PLXNB1: variants seen among roughly 807,000 people sequenced by gnomAD.
PLXNB1 encodes the protein plexin-B1.
A neutral mutation model predicts 209.4 loss-of-function variants in PLXNB1; 106 were observed. The observed-to-expected ratio is 0.51, with a 90% CI of 0.43 to 0.59. The LOEUF (loss-of-function observed/expected upper bound fraction) is 0.59. Ranked by LOEUF, PLXNB1 falls within the 20% of genes least tolerant of loss-of-function variation. The pLI, the probability that PLXNB1 is intolerant of heterozygous loss-of-function variation, is 0.00. For missense variants in PLXNB1, 2,357 were observed against 2,853.2 expected, an observed-to-expected ratio of 0.83 and a Z score of 3.96; for synonymous variants, 1,167 against 1,183.2, an observed-to-expected ratio of 0.99 and a Z score of 0.28.
Position 48,419,355 on chromosome 3 carries a change from G to C in PLXNB1, c.2721C>G (p.Thr907=). The part of the protein sequence containing the change: ...TPGLWELEEA[T]LGASSCPCVE... ...CACAGGGGCAGGAGCTTGCCCCCAA[G>C]GTCGCCTCTTCCTGCAGGCACCAAG... The change falls in exon 12 of 38, where the codon ACC becomes ACG. Residue 907 remains threonine, a synonymous_variant. Coordinates refer to ENST00000296440, the MANE Select transcript of PLXNB1 (RefSeq NM_001130082.3). This position sits in a 1 kb window ranked among gnomAD's most constrained non-coding sequence, Gnocchi z 5.7. 5 of 1,565,996 alleles carry C rather than the reference G, an allele frequency of 3.2e-6. No homozygotes were observed. The highest frequency in any genetic ancestry group is 4.3e-6 in the Non-Finnish European group (5 of 1,152,484).
At position 48,417,153 on chromosome 3, in the gene PLXNB1, C is replaced by T. The variant is rs1439451493; in HGVS notation, c.3375-702G>A. 6.6e-6 allele frequency among the ~76,000 whole-genome samples: 1 copy of T among 151,914 alleles called. No individual in the cohort carries two copies. Among genetic ancestry groups the T allele is most frequent in the Non-Finnish European group, 1.5e-5 (1 of 68,032 alleles). On this transcript the variant is annotated intron_variant, in intron 16 of 37. Transcript: ENST00000296440. The surrounding 1 kb of genome is among the most constrained non-coding windows in gnomAD (Gnocchi z 4.4). ...GAACACTAACAGTCTAGATAGTCAC[C>T]GTAAGTTCTCGGTCATAACACATTC...
chr3:48,410,705 C>T lies in PLXNB1; in HGVS notation c.5417-147G>A. ...CAAAGACCAAGAGCAGGGACCCCCT[C>T]CCCAGATGAGAGGCTGTCCAAGAAA... On this transcript the variant is annotated intron_variant, in intron 29 of 37. Coordinates refer to ENST00000296440, the MANE Select transcript of PLXNB1 (RefSeq NM_001130082.3). This position sits in a 1 kb window ranked among gnomAD's most constrained non-coding sequence, Gnocchi z 6.4. 1 of 939,922 alleles carries T rather than the reference C, an allele frequency of 1.1e-6. No homozygotes were observed. The highest frequency in any genetic ancestry group is 2.3e-5 in the Admixed American group (1 of 43,048). The allele number at this position is 939,922 out of a possible 1,614,324, so 58.2% of individuals were successfully genotyped here.
chr3:48,422,116 C>T lies in PLXNB1; in HGVS notation c.1509G>A (p.Val503=). Residue 503 remains valine, a synonymous_variant, in exon 6 of 38, where the codon GTG becomes GTA. Coordinates refer to ENST00000296440, the MANE Select transcript of PLXNB1 (RefSeq NM_001130082.3). ...AHRDPYCGWC[V]LLGRCSRRSE... Reference sequence around the variant, plus strand: ...GTCAGAAATCTGACCTGCCAAGGAGCACGCACCACCCACAGTATGGGTCCC... The same window carrying T: ...GTCAGAAATCTGACCTGCCAAGGAGTACGCACCACCCACAGTATGGGTCCC... The T allele has an allele frequency of 6.2e-7, 1 of 1,613,774 alleles. No individual in the cohort carries two copies. The highest frequency in any genetic ancestry group is 8.5e-7 in the Non-Finnish European group (1 of 1,179,678).
At position 48,410,578 on chromosome 3, in the gene PLXNB1, C is replaced by T. The variant is rs1402822192; in HGVS notation, c.5417-20G>A. On this transcript the variant is annotated intron_variant, in intron 29 of 37. Transcript: ENST00000296440. The surrounding 1 kb of genome is among the most constrained non-coding windows in gnomAD (Gnocchi z 6.4). ...GCCACTCTGCAAGGGCAAGGCAGAA[C>T]TGGGTGCAGGGCTGGAAGATACCCT... 6.3e-7 allele frequency: 1 copy of T among 1,596,498 alleles called. No homozygotes were observed. Among genetic ancestry groups the T allele is most frequent in the East Asian group, 2.2e-5 (1 of 44,810 alleles).
chr3:48,409,292 TCAC>T lies in PLXNB1; in HGVS notation c.6087+34_6087+36del, dbSNP rs769892320. On this transcript the variant is annotated intron_variant, in intron 34 of 37. Coordinates refer to ENST00000296440, the MANE Select transcript of PLXNB1 (RefSeq NM_001130082.3). The surrounding 1 kb of genome is among the most constrained non-coding windows in gnomAD (Gnocchi z 5.8). ...AGTGCACACACAGCACTGTCCACCC[TCAC>T]CCATCCCCCCGTGTCCATCCCAGAC... 1 of 1,556,018 alleles carries T rather than the reference TCAC, an allele frequency of 6.4e-7. No individual in the cohort carries two copies. The highest frequency in any genetic ancestry group is 8.6e-7 in the Non-Finnish European group (1 of 1,158,980).
intron 6 of PLXNB1, 65 bp downstream of exon 6, chr3:48,422,040 C>T (rs1354303670): frequency 1.1e-5 from 16 of 1,456,550 alleles, no homozygotes; most frequent in Non-Finnish European, 1.5e-5. Flanking sequence ...GAATTCTGGA[C>T]AGGACAATTA....
chr3:48,414,157 A>G lies in PLXNB1; in HGVS notation c.4210-86T>C, dbSNP rs546909174. 4.5e-6 allele frequency: 6 copies of G among 1,319,862 alleles called. No individual in the cohort carries two copies. In the East Asian group the frequency reaches 1.4e-4, roughly 31 times the overall value. The allele number at this position is 1,319,862 out of a possible 1,614,324, so 81.8% of individuals were successfully genotyped here. On this transcript the variant is annotated intron_variant, in intron 21 of 37. Coordinates refer to ENST00000296440, the MANE Select transcript of PLXNB1 (RefSeq NM_001130082.3). ...AAATGTGGGAAGGACCCTGAGACCC[A>G]GCCGCAGCAGCAAAGCTGACAGCCT...
intron 2 of PLXNB1, among the ~76,000 whole-genome samples, chr3:48,424,897 C>T (rs2038802224): frequency 6.6e-6 from 1 of 152,142 alleles, no homozygotes; most frequent in South Asian, 2.1e-4. Flanking sequence ...CACCATCCCC[C>T]CAGATCAGAG....
rs751188591 is a variant in PLXNB1, at chr3:48,419,400, C to T, written c.2710-34G>A. 1 of 1,528,796 alleles carries T rather than the reference C, an allele frequency of 6.5e-7. No individual in the cohort carries two copies. The highest frequency in any genetic ancestry group is 2.3e-5 in the East Asian group (1 of 43,846). 94.7% of individuals were successfully genotyped at this position (1,528,796 alleles called of 1,614,324 possible). Reference sequence around the variant, plus strand: ...ACCAAGGGCAAGGCAGTCTATGGAGCCCACCCTGCCCAGCTCAGCCCTCTG... The same window carrying T: ...ACCAAGGGCAAGGCAGTCTATGGAGTCCACCCTGCCCAGCTCAGCCCTCTG... On this transcript the variant is annotated intron_variant, in intron 11 of 37. Transcript: ENST00000296440. This position sits in a 1 kb window ranked among gnomAD's most constrained non-coding sequence, Gnocchi z 5.7.
chr3:48,421,765 T>A lies in PLXNB1; in HGVS notation c.1562A>T (p.Glu521Val). 6.2e-7 allele frequency: 1 copy of A among 1,608,582 alleles called. No homozygotes were observed. The highest frequency in any genetic ancestry group is 8.5e-7 in the Non-Finnish European group (1 of 1,175,602). The change falls in exon 7 of 38, where the codon GAG becomes GTG. Residue 521 changes from glutamate (E) to valine (V), a missense_variant. Glu to Val is a moderately radical substitution (Grantham distance 121, BLOSUM62 -2). This residue lies in a region of PLXNB1 where 214 missense variants were observed against 297.1 expected (regional missense o/e 0.72). Transcript: ENST00000296440. ...AGGCTGGAAGCTCCATAGCCACTGC[T>A]CTGGGCCCTGGCCCCTCGAGCACTC... ...RSECSRGQGPEQWLWSFQPEL... is the reference protein window; with the variant it reads ...RSECSRGQGPVQWLWSFQPEL...
In PLXNB1 at chr3:48,417,004, C is replaced by T. The variant is rs1339085164; in HGVS notation, c.3375-553G>A. The stretch of plus-strand genomic sequence containing the variant: ...GTGTTAAGCCTGCAGTGGCTCAACT[C>T]AGTGACATTGTCACAGTTGTTGCAA... On this transcript the variant is annotated intron_variant, in intron 16 of 37. Coordinates refer to ENST00000296440, the MANE Select transcript of PLXNB1 (RefSeq NM_001130082.3). The surrounding 1 kb of genome is among the most constrained non-coding windows in gnomAD (Gnocchi z 4.4). Among the ~76,000 whole-genome samples the T allele has an allele frequency of 6.6e-6, 1 of 152,216 alleles. No homozygotes were observed. The highest frequency in any genetic ancestry group is 2.4e-5 in the African/African-American group (1 of 41,444).
At position 48,404,426 on chromosome 3, in the gene PLXNB1, C is replaced by T. The variant is rs953456087; in HGVS notation, c.*60G>A. On this transcript the variant is annotated 3_prime_UTR_variant, in exon 38 of 38. Transcript: ENST00000296440. ...GCACCTAAGAAGGTGGCCTCTCCTCCGAGCTTCCAGGGCTGCCCAGGCCAG... is the reference window on the plus strand; with the variant it reads ...GCACCTAAGAAGGTGGCCTCTCCTCTGAGCTTCCAGGGCTGCCCAGGCCAG... 5.2e-6 allele frequency: 6 copies of T among 1,162,108 alleles called. No homozygotes were observed. The highest frequency in any genetic ancestry group is 1.5e-5 in the African/African-American group (1 of 65,328). The allele number at this position is 1,162,108 out of a possible 1,614,324, so 72.0% of individuals were successfully genotyped here. A position where few individuals can be genotyped will look rare whatever the true frequency, so the allele number is the denominator to read the frequency against.
In PLXNB1 at chr3:48,413,800, G is replaced by A. The variant is rs1488196502; in HGVS notation, c.4405C>T (p.Arg1469Cys). The stretch of plus-strand genomic sequence containing the variant: ...TACTGCACGTGACCCAGGGAGAAGC[G>A]CAAGTTCCCCATCTGCACCTGTGTC... ...PEFTVQMGNL[R>C]FSLGHVQYDG... Residue 1469 changes from arginine to cysteine, a missense_variant, in exon 23 of 38, where the codon CGC becomes TGC. Physicochemically the swap from Arg to Cys is radical, Grantham distance 180. This residue lies in a region of PLXNB1 where 743 missense variants were observed against 896.2 expected (regional missense o/e 0.83). Transcript: ENST00000296440. The surrounding 1 kb of genome is among the most constrained non-coding windows in gnomAD (Gnocchi z 5.4). The A allele has an allele frequency of 5.0e-6, 8 of 1,613,512 alleles. No individual in the cohort carries two copies. Among genetic ancestry groups the A allele is most frequent in the Non-Finnish European group, 5.1e-6 (6 of 1,179,774 alleles).
Position 48,419,328 on chromosome 3 carries a change from C to T in PLXNB1, c.2748G>A (p.Val916=). ...ATLGASSCPC[V]ESVQGSTLMP... ...TCAACGTGGAGCCCTGAACGCTCTCCACACAGGGGCAGGAGCTTGCCCCCA... is the reference window on the plus strand; with the variant it reads ...TCAACGTGGAGCCCTGAACGCTCTCTACACAGGGGCAGGAGCTTGCCCCCA... The change falls in exon 12 of 38, where the codon GTG becomes GTA. Residue 916 remains valine, a synonymous_variant. Transcript: ENST00000296440. The surrounding 1 kb of genome is among the most constrained non-coding windows in gnomAD (Gnocchi z 5.7). 2 of 1,589,404 alleles carry T rather than the reference C, an allele frequency of 1.3e-6. No individual in the cohort carries two copies. Among genetic ancestry groups the T allele is most frequent in the Non-Finnish European group, 8.6e-7 (1 of 1,165,144 alleles).
chr3:48,419,935 G>C lies in PLXNB1; in HGVS notation c.2351C>G (p.Pro784Arg). The C allele has an allele frequency of 1.3e-6, 2 of 1,573,354 alleles. No individual in the cohort carries two copies. The highest frequency in any genetic ancestry group is 1.2e-5 in the South Asian group (1 of 84,140). ...APTDFRPSATPEDLLASPLSP... is the reference protein window; with the variant it reads ...APTDFRPSATREDLLASPLSP... ...CAGCGGGGAGGCCAAGAGGTCCTCA[G>C]GTGTGGCTGAGGGTCTGAAGTCAGT... The change falls in exon 11 of 38, where the codon CCT becomes CGT. Residue 784 changes from proline to arginine, a missense_variant. Pro to Arg is a moderately radical substitution (Grantham distance 103). Around this residue, in one of 7 missense-constraint regions of PLXNB1, gnomAD observed 410 missense variants for 401.0 expected, o/e 1.02. Transcript: ENST00000296440. This position sits in a 1 kb window ranked among gnomAD's most constrained non-coding sequence, Gnocchi z 5.7.
chr3:48,412,609 C>A lies in PLXNB1; in HGVS notation c.4866G>T (p.Thr1622=), dbSNP rs34555887. ...CTGAAAAGGTGCGCTGGCTCTCCAG[C>A]GTGTGGATGAACTGCAGCCAAAGAG... ...SKLFLTKFIH[T]LESQRTFSAR... is the part of the protein sequence containing the mutation. The change falls in exon 26 of 38, where the codon ACG becomes ACT. Residue 1622 remains threonine, a synonymous_variant. Coordinates refer to ENST00000296440, the MANE Select transcript of PLXNB1 (RefSeq NM_001130082.3). 1 of 1,613,232 alleles carries A rather than the reference C, an allele frequency of 6.2e-7. No homozygotes were observed. The highest frequency in any genetic ancestry group is 1.1e-5 in the South Asian group (1 of 91,086).
intron 27 of PLXNB1, 113 bp from the exon 28 acceptor site, chr3:48,412,122 G>T: frequency 6.8e-7 from 1 of 1,476,724 alleles, no homozygotes; most frequent in Non-Finnish European, 9.4e-7. Flanking sequence ...AGGACAGGCT[G>T]AGCAGGAGTC....
At position 48,423,568 on chromosome 3, in the gene PLXNB1, C is replaced by A. The variant is rs1262628204; in HGVS notation, c.1044G>T (p.Glu348Asp). The part of the protein sequence containing the change: ...DACYTREGRA[E>D]DGTEVAYIEY... ...CGATGTAGGCCACCTCGGTCCCATCCTCAGCACGACCCTCCCGGGTGTAGC... is the reference window on the plus strand; with the variant it reads ...CGATGTAGGCCACCTCGGTCCCATCATCAGCACGACCCTCCCGGGTGTAGC... Residue 348 changes from glutamate to aspartate, a missense_variant, in exon 3 of 38, where the codon GAG becomes GAT. Glu to Asp is a conservative substitution (Grantham distance 45). This residue lies in a region of PLXNB1 where 404 missense variants were observed against 443.6 expected (regional missense o/e 0.91). Coordinates refer to ENST00000296440, the MANE Select transcript of PLXNB1 (RefSeq NM_001130082.3). 6.2e-7 allele frequency: 1 copy of A among 1,614,092 alleles called. No homozygotes were observed. Among genetic ancestry groups the A allele is most frequent in the Non-Finnish European group, 8.5e-7 (1 of 1,180,048 alleles).
chr3:48,422,063 G>C, intron 6 of PLXNB1, 42 bp downstream of exon 6: 5 of 1,536,962 alleles, frequency 3.3e-6, no homozygotes, highest in Non-Finnish European at 4.5e-6. Context: ...CAGGAGCATT[G>C]TGGGCTTGAG....
Sources: gnomAD v4.1 joint callset for allele counts (sites outside exome capture counted in the v4.1 genomes callset) on GRCh38, gnomAD v4.1.1 for gene constraint, gnomAD v4.1.1 regional missense constraint, Gnocchi (gnomAD v3.1) non-coding constraint, MANE v1.5 for transcripts, NCBI Gene and HGNC (gene_info 2026-07-23, HGNC 2026-07-21) for gene names.